Variants in PIGN observed in about 807,000 individuals in gnomAD.
The protein encoded by PIGN is GPI ethanolamine phosphate transferase 1.
In PIGN, 117 loss-of-function variants were observed where a neutral mutation model predicts 125.4. The observed-to-expected ratio is 0.93, with a 90% CI of 0.80 to 1.09. The LOEUF is 1.09. PIGN is among the 50% of genes least tolerant of loss of function. The pLI is 0.00. For missense variants in PIGN, 1,075 were observed against 1,094.9 expected, an observed-to-expected ratio of 0.98 and a Z score of 0.26; for synonymous variants, 392 against 377.8, an observed-to-expected ratio of 1.04 and a Z score of -0.44.
intron 30 of PIGN, among the ~76,000 whole-genome samples, chr18:62,057,278 C>T (rs2145297116): frequency 6.7e-6 from 1 of 149,644 alleles, no homozygotes; most frequent in South Asian, 2.1e-4. Context: ...TCTTAATCTC[C>T]CACACCTTCC....
chr18:62,021,884 T>A (rs1390140087), intron 23 of PIGN, among the ~76,000 whole-genome samples: 1 of 152,248 alleles, frequency 6.6e-6, no homozygotes, highest in East Asian at 1.9e-4. Flanking sequence ...TAAGTTCTCT[T>A]CCAAGTTCAT....
intron 16 of PIGN, among the ~76,000 whole-genome samples, chr18:62,111,759 T>A (rs2034888511): frequency 6.6e-6 from 1 of 152,184 alleles, no homozygotes; most frequent in Non-Finnish European, 1.5e-5. Flanking sequence ...ATAGTGTATT[T>A]TATGTGTGCC....
Position 62,096,511 on chromosome 18 carries a change from ATTTTCTTTT to A in PIGN, c.2078-570_2078-562del, listed in dbSNP as rs1422246178. ...AATAATATTAACTCAAAAATGAATT[ATTTTCTTTT>A]TTTTTTTTTTTTTTTTTTTTTTTAT... On this transcript the variant is annotated intron_variant, in intron 22 of 30. Transcript: ENST00000640252. Among the ~76,000 whole-genome samples the A allele has an allele frequency of 6.8e-5, 3 of 44,068 alleles. No homozygotes were observed. In the Admixed American group the frequency reaches 7.7e-4, roughly 11 times the overall value. 28.9% of individuals were successfully genotyped at this position (44,068 alleles called of 152,430 possible). A position where few individuals can be genotyped will look rare whatever the true frequency, so the allele number is the denominator to read the frequency against.
At chr18:62,117,951 T>C (rs948339211) in intron 14 of PIGN, among the ~76,000 whole-genome samples, 4 of 152,114 alleles carry the variant, frequency 2.6e-5, no homozygotes, top group Admixed American at 6.5e-5. Flanking sequence ...ATCATGTATA[T>C]ATACCATATT....
chr18:62,143,962 G>A (rs1340299629), intron 10 of PIGN, among the ~76,000 whole-genome samples: 1 of 152,076 alleles, frequency 6.6e-6, no homozygotes, highest in African/African-American at 2.4e-5. Context: ...TTGATTTAAT[G>A]GCTTTAGGAT....
chr18:62,074,322 A>G (rs2033056270), intron 29 of PIGN, among the ~76,000 whole-genome samples: 1 of 152,230 alleles, frequency 6.6e-6, no homozygotes, highest in Admixed American at 6.5e-5. Flanking sequence ...CTACCTACAT[A>G]CATCAGAACT....
intron 22 of PIGN, among the ~76,000 whole-genome samples, chr18:62,100,669 T>C (rs1358580153): frequency 6.6e-6 from 1 of 152,196 alleles, no homozygotes; most frequent in South Asian, 2.1e-4. Context: ...ATGTAAGGTA[T>C]ACTAGTCGAT....
At chr18:62,125,396 C>T (rs1208508623) in intron 14 of PIGN, among the ~76,000 whole-genome samples, 2 of 151,948 alleles carry the variant, frequency 1.3e-5, no homozygotes, top group African/African-American at 2.4e-5. Context: ...GAAAACAGAA[C>T]ATTTAATGGT....
At chr18:62,020,676 G>A (rs542993232) in intron 23 of PIGN, among the ~76,000 whole-genome samples, 2 of 152,012 alleles carry the variant, frequency 1.3e-5, no homozygotes, top group African/African-American at 2.4e-5. Flanking sequence ...CTGGCCGGGC[G>A]CGGTGGCTCA....
At chr18:62,146,271 T>C (rs1439737823) in intron 9 of PIGN, among the ~76,000 whole-genome samples, 3 of 152,114 alleles carry the variant, frequency 2.0e-5, no homozygotes, top group Admixed American at 6.5e-5. Flanking sequence ...TGAGTAACTA[T>C]GGTTGAAAGA....
chr18:62,134,190 C>T, intron 14 of PIGN, among the ~76,000 whole-genome samples: 1 of 151,844 alleles, frequency 6.6e-6, no homozygotes, highest in East Asian at 1.9e-4. Context: ...GTCAGGAGTT[C>T]GAGACCAGCC....
At chr18:62,112,765 AAAATT>A in intron 16 of PIGN, 1 of 228,066 alleles carries the variant, frequency 4.4e-6, no homozygotes, top group Non-Finnish European at 8.4e-6. Flanking sequence ...AATATCAAAT[AAAATT>A]AAACATATTG....
At chr18:62,097,132 A>C (rs548103192) in intron 22 of PIGN, among the ~76,000 whole-genome samples, 2 of 146,438 alleles carry the variant, frequency 1.4e-5, no homozygotes, top group East Asian at 4.0e-4. Flanking sequence ...CAGAGTGAAC[A>C]GGCAACCTAC....
At chr18:62,018,643 C>G (rs2030011855) in intron 23 of PIGN, among the ~76,000 whole-genome samples, 1 of 152,168 alleles carries the variant, frequency 6.6e-6, no homozygotes, top group African/African-American at 2.4e-5. Flanking sequence ...TCATGATAAC[C>G]TTAACATTAG....
intron 11 of PIGN, among the ~76,000 whole-genome samples, chr18:62,142,175 T>A (rs1384794458): frequency 6.6e-6 from 1 of 152,192 alleles, no homozygotes; most frequent in Non-Finnish European, 1.5e-5. Context: ...AGGACAGGGA[T>A]TATGTCTGCC....
At position 62,138,278 on chromosome 18, in the gene PIGN, T is replaced by C. The variant is rs1206565150; in HGVS notation, c.1137A>G (p.Lys379=). The C allele has an allele frequency of 1.3e-6, 2 of 1,546,514 alleles. No homozygotes were observed. The highest frequency in any genetic ancestry group is 2.7e-5 in the African/African-American group (2 of 73,118). ...EQFKVKMTQK[K]EVTLPFLFTP... The stretch of plus-strand genomic sequence containing the variant: ...TAAACAAAAATGGTAAAGTAACTTC[T>C]TTCTTCTGAGTCATTTTCACCTGGG... Residue 379 remains lysine, a synonymous_variant, in exon 14 of 31, where the codon AAA becomes AAG. Coordinates refer to ENST00000640252, the MANE Select transcript of PIGN (RefSeq NM_176787.5).
chr18:62,108,024 G>C (rs2034721042), intron 17 of PIGN, among the ~76,000 whole-genome samples: 1 of 152,102 alleles, frequency 6.6e-6, no homozygotes, highest in African/African-American at 2.4e-5. Flanking sequence ...TTATTAAGTA[G>C]GTAATTTTAG....
chr18:62,038,865 C>T (rs1008597773), downstream of PIGN, among the ~76,000 whole-genome samples: 53 of 151,914 alleles, frequency 3.5e-4, no homozygotes, highest in African/African-American at 1.3e-3. Flanking sequence ...AAGCAGTGAG[C>T]CATCATTGTA....
At chr18:62,149,999 T>G (rs1599636910) in intron 7 of PIGN, among the ~76,000 whole-genome samples, 1 of 152,330 alleles carries the variant, frequency 6.6e-6, no homozygotes, top group Admixed American at 6.5e-5. Flanking sequence ...TTGCTGTTGT[T>G]GTTGTTGAGA....
Sources: allele counts gnomAD v4.1 joint callset (sites outside exome capture counted in the v4.1 genomes callset), GRCh38; gene constraint gnomAD v4.1.1; transcripts MANE v1.5; gene names NCBI Gene and HGNC (gene_info 2026-07-23, HGNC 2026-07-21).